The following COL4A1 variants were observed in gnomAD, a reference collection of about 807,000 sequenced individuals.
COL4A1 encodes collagen type IV alpha 1 chain.
In COL4A1, 40 loss-of-function variants were observed where a neutral mutation model predicts 216.6. The observed-to-expected ratio is 0.18, with a 90% CI of 0.14 to 0.24. The LOEUF (loss-of-function observed/expected upper bound fraction) is 0.24, where lower values mean the gene tolerates loss of function less well. COL4A1 is among the 10% of genes least tolerant of loss of function. The probability of loss-of-function intolerance (pLI) is 1.00; values close to 1 mark genes in which losing one functional copy is unlikely to be tolerated. For synonymous variants in COL4A1, 839 were observed against 810.7 expected (o/e 1.03, Z -0.59); for missense variants, 1,628 against 2,196.8 (o/e 0.74, Z 5.18).
chr13:110,301,541 C>G (rs1884493049), intron 1 of COL4A1, among the ~76,000 whole-genome samples: 2 of 152,222 alleles, frequency 1.3e-5, no homozygotes, highest in African/African-American at 4.8e-5. Flanking sequence ...GATTACAATG[C>G]TACTGAATGG....
intron 49 of COL4A1, among the ~76,000 whole-genome samples, chr13:110,155,952 G>A (rs930468896): frequency 6.6e-6 from 1 of 152,176 alleles, no homozygotes; most frequent in African/African-American, 2.4e-5. Context: ...TGTAGTCCTG[G>A]CTACTGGGGA....
chr13:110,260,467 A>G (rs779265748), intron 1 of COL4A1, among the ~76,000 whole-genome samples: 3 of 152,226 alleles, frequency 2.0e-5, no homozygotes, highest in Non-Finnish European at 4.4e-5. Flanking sequence ...CTCTCCACAC[A>G]GGACAGGCTT....
intron 1 of COL4A1, among the ~76,000 whole-genome samples, chr13:110,283,337 A>G (rs1883713970): frequency 6.6e-6 from 1 of 152,250 alleles, no homozygotes. Flanking sequence ...TTGCTTTTTG[A>G]CATTGAATAG....
At position 110,206,734 on chromosome 13, in the gene COL4A1, C is replaced by T. The variant is rs1341136890; in HGVS notation, c.808-19G>A. On this transcript the variant is annotated intron_variant, in intron 14 of 51. Transcript: ENST00000375820. Reference sequence around the variant, plus strand: ...GCATCCCCTTAAAGGAATAAAAAGACAAAGAGATTTATTCGTCTATTTAAG... The same window carrying T: ...GCATCCCCTTAAAGGAATAAAAAGATAAAGAGATTTATTCGTCTATTTAAG... The T allele has an allele frequency of 1.2e-6, 2 of 1,613,502 alleles. No homozygotes were observed. Among genetic ancestry groups the T allele is most frequent in the Non-Finnish European group, 1.7e-6 (2 of 1,179,672 alleles).
At chr13:110,219,177 C>T (rs933192571) in intron 2 of COL4A1, among the ~76,000 whole-genome samples, 14 of 152,192 alleles carry the variant, frequency 9.2e-5, no homozygotes, top group African/African-American at 3.4e-4. Context: ...ACTGCCACCA[C>T]AGTTTGAGGG....
chr13:110,282,203 C>T (rs895682545), intron 1 of COL4A1, among the ~76,000 whole-genome samples: 2 of 152,172 alleles, frequency 1.3e-5, no homozygotes, highest in Non-Finnish European at 2.9e-5. Context: ...AACTTGGATT[C>T]AGACAGACCT....
chr13:110,216,278 G>T (rs1880081693), intron 2 of COL4A1, among the ~76,000 whole-genome samples: 2 of 152,314 alleles, frequency 1.3e-5, no homozygotes, highest in South Asian at 4.1e-4. Context: ...ACACCCTGCA[G>T]TGATGGCCCC....
chr13:110,192,359 C>G, intron 23 of COL4A1, 75 bp from the exon 24 acceptor site: 1 of 1,396,440 alleles, frequency 7.2e-7, no homozygotes, highest in Non-Finnish European at 1.0e-6. Flanking sequence ...TCTTAAGACT[C>G]AAAAGCATAA....
At chr13:110,267,608 C>T (rs1375812721) in intron 1 of COL4A1, among the ~76,000 whole-genome samples, 2 of 152,178 alleles carry the variant, frequency 1.3e-5, no homozygotes, top group African/African-American at 2.4e-5. Context: ...GGGCTCTGTA[C>T]TCTTCAGGTT....
intron 2 of COL4A1, among the ~76,000 whole-genome samples, chr13:110,230,409 G>A (rs1287463544): frequency 1.3e-5 from 2 of 152,162 alleles, no homozygotes; most frequent in African/African-American, 2.4e-5. Flanking sequence ...AGGGCTCGTC[G>A]TGACACCCTG....
chr13:110,218,698 C>A (rs1411252329), intron 2 of COL4A1, among the ~76,000 whole-genome samples: 1 of 152,166 alleles, frequency 6.6e-6, no homozygotes, highest in Non-Finnish European at 1.5e-5. Context: ...CTTTGCAGTC[C>A]AAGCATTCTA....
At chr13:110,169,268 G>A (rs1294432773) in intron 43 of COL4A1, among the ~76,000 whole-genome samples, 1 of 152,114 alleles carries the variant, frequency 6.6e-6, no homozygotes. Context: ...TTACAGAATT[G>A]TTCTCTGCAA....
intron 1 of COL4A1, among the ~76,000 whole-genome samples, chr13:110,245,026 C>T (rs1415807032): frequency 6.6e-6 from 1 of 152,154 alleles, no homozygotes; most frequent in African/African-American, 2.4e-5. Flanking sequence ...TAAGTAACAA[C>T]TGTAGATGGA....
rs867969661 is a variant in COL4A1 at position 110,167,821 on chromosome 13, G to A, written c.3877-591C>T. ...CAACAAGTCGTTCCTTTCTCAAGTCGTGGACAGCAACATGTAACAAGTTGT... is the reference window on the plus strand; with the variant it reads ...CAACAAGTCGTTCCTTTCTCAAGTCATGGACAGCAACATGTAACAAGTTGT... On this transcript the variant is annotated intron_variant, in intron 43 of 51. Transcript: ENST00000375820. Among the ~76,000 whole-genome samples, 7 of 152,004 alleles carry A rather than the reference G, an allele frequency of 4.6e-5. No individual in the cohort carries two copies. In the South Asian group the frequency reaches 6.2e-4, roughly 14 times the overall value.
chr13:110,175,077 G>A, intron 37 of COL4A1, 141 bp downstream of exon 37: 1 of 1,044,152 alleles, frequency 9.6e-7, no homozygotes, highest in Non-Finnish European at 1.5e-6. Flanking sequence ...CAAGGGGAAG[G>A]AGAGGCGACT....
At chr13:110,210,237 A>G in intron 8 of COL4A1, 25 bp from the exon 9 acceptor site, 1 of 1,607,866 alleles carries the variant, frequency 6.2e-7, no homozygotes, top group Non-Finnish European at 8.5e-7. Context: ...AAGAAAATAG[A>G]AAGTTGCAAA....
In COL4A1 at chr13:110,243,929, G is replaced by C. The variant is rs545124572; in HGVS notation, c.85-1195C>G. Among the ~76,000 whole-genome samples, 130 of 152,164 alleles carry C rather than the reference G, an allele frequency of 8.5e-4. 1 individual carries two copies. The highest frequency in any genetic ancestry group is 3.1e-3 in the African/African-American group (127 of 41,508). ...TCACATGAAAAGATAGAAATACGTC[G>C]GTACATACACGCACTTGCAATTTCC... On this transcript the variant is annotated intron_variant, in intron 1 of 51. Coordinates refer to ENST00000375820, the MANE Select transcript of COL4A1 (RefSeq NM_001845.6).
intron 1 of COL4A1, among the ~76,000 whole-genome samples, chr13:110,293,981 G>A (rs1884179019): frequency 6.6e-6 from 1 of 152,146 alleles, no homozygotes; most frequent in Non-Finnish European, 1.5e-5. Context: ...TTTTGCCCAG[G>A]AAACCTGGTA....
chr13:110,215,525 C>A (rs1880025749), intron 2 of COL4A1, among the ~76,000 whole-genome samples: 1 of 147,660 alleles, frequency 6.8e-6, no homozygotes, highest in African/African-American at 2.5e-5. Context: ...CATGCCACTG[C>A]ACTCTAGCCT....
Sources: gnomAD v4.1 joint callset for allele counts (sites outside exome capture counted in the v4.1 genomes callset) on GRCh38, gnomAD v4.1.1 for gene constraint, MANE v1.5 for transcripts, NCBI Gene and HGNC (gene_info 2026-07-23, HGNC 2026-07-21) for gene names.